Variants in DCAF11 observed in about 807,000 individuals in gnomAD.
DCAF11 encodes DDB1- and CUL4-associated factor 11.
DCAF11 carries 44 observed loss-of-function variants against 76.1 expected under a neutral mutation model. The ratio of observed to expected loss-of-function variants is 0.58; its 90% CI spans 0.45 to 0.74. DCAF11 has a LOEUF of 0.74. DCAF11 is among the 30% of genes least tolerant of loss of function. The probability of loss-of-function intolerance (pLI) is 0.00; values close to 1 mark genes in which losing one functional copy is unlikely to be tolerated. For synonymous variants in DCAF11, 258 were observed against 255.0 expected (o/e 1.01, Z -0.11); for missense variants, 604 against 709.4 (o/e 0.85, Z 1.69).
Position 24,116,842 on chromosome 14 carries a change from A to G in DCAF11, c.156-75A>G, listed in dbSNP as rs74040011. ...ATGAGTACCAAGTGGTCTAAGAGCT[A>G]GATAGCCATTGACTCTGAATTTGGT... On this transcript the variant is annotated intron_variant, in intron 2 of 14. Coordinates refer to ENST00000446197, the MANE Select transcript of DCAF11 (RefSeq NM_025230.5). 906 of 1,601,990 alleles carry G rather than the reference A, an allele frequency of 5.7e-4. 7 individuals are homozygous for G. In the African/African-American group the frequency reaches 0.011, roughly 19 times the overall value.
chr14:24,123,169 C>G lies in DCAF11; in HGVS notation c.1507-6C>G. The G allele has an allele frequency of 6.2e-7, 1 of 1,613,192 alleles. No homozygotes were observed. Among genetic ancestry groups the G allele is most frequent in the Non-Finnish European group, 8.5e-7 (1 of 1,179,350 alleles). ...TCCTGACTGCTTGCCACCCTCTGCCCTGCAGTGGGACGGGAACCTGCGTCT... is the reference window on the plus strand; with the variant it reads ...TCCTGACTGCTTGCCACCCTCTGCCGTGCAGTGGGACGGGAACCTGCGTCT... On this transcript the variant is annotated splice_region_variant and splice_polypyrimidine_tract_variant and intron_variant, in intron 14 of 14. Coordinates refer to ENST00000446197, the MANE Select transcript of DCAF11 (RefSeq NM_025230.5).
Position 24,117,025 on chromosome 14 carries a change from G to A in DCAF11, c.264G>A (p.Gly88=), listed in dbSNP as rs201461302. 78 of 1,614,154 alleles carry A rather than the reference G, an allele frequency of 4.8e-5. No individual in the cohort carries two copies. The African/African-American group carries it at 7.3e-4, about 15-fold the overall frequency. Residue 88 remains glycine (G), a synonymous_variant, in exon 3 of 15, where the codon GGG becomes GGA. Coordinates refer to ENST00000446197, the MANE Select transcript of DCAF11 (RefSeq NM_025230.5). The surrounding 1 kb of genome is among the most constrained non-coding windows in gnomAD (Gnocchi z 4.3). The part of the protein sequence containing the change: ...ENDRAWDGRL[G]DRYNPPVDAT... ...ACAGAGCTTGGGATGGTCGTCTTGG[G>A]GATCGATACAACCCACCTGGTAAGA...
intron 6 of DCAF11, 53 bp downstream of exon 6, chr14:24,118,208 C>T (rs183061328): frequency 1.9e-6 from 3 of 1,575,764 alleles, no homozygotes; most frequent in East Asian, 2.2e-5. Flanking sequence ...GGGACATTCC[C>T]CCTGACTGAG....
At chr14:24,116,391 TC>T in intron 2 of DCAF11, among the ~76,000 whole-genome samples, 2 of 152,260 alleles carry the variant, frequency 1.3e-5, no homozygotes, top group Non-Finnish European at 2.9e-5. Context: ...CTCACTGTGT[TC>T]CCCAGTCTGG....
rs756456075 is a variant in DCAF11 at position 24,119,663 on chromosome 14, T to C, written c.906+47T>C. 6 of 1,614,110 alleles carry C rather than the reference T, an allele frequency of 3.7e-6. No individual in the cohort carries two copies. In the African/African-American group the frequency reaches 6.7e-5, roughly 18 times the overall value. On this transcript the variant is annotated intron_variant, in intron 10 of 14. Coordinates refer to ENST00000446197, the MANE Select transcript of DCAF11 (RefSeq NM_025230.5). The stretch of plus-strand genomic sequence containing the variant: ...CTCTGCCTCCTGGTTTTTGGCTTTT[T>C]ATAAGACCTAGAAAGAGGTCTTATA...
rs771775417 is a variant in DCAF11, at chr14:24,117,493, G to T, written c.411+100G>T. 2.2e-4 allele frequency: 340 copies of T among 1,570,138 alleles called. No homozygotes were observed. Among genetic ancestry groups the T allele is most frequent in the Non-Finnish European group, 2.8e-4 (323 of 1,156,158 alleles). ...AGGAAGTCAACTTTCCAAAGTAGAA[G>T]CCTCAAGCGCTGGGGCTGGAGAGTT... is the stretch of plus-strand genomic sequence containing the variant. On this transcript the variant is annotated intron_variant, in intron 4 of 14. Coordinates refer to ENST00000446197, the MANE Select transcript of DCAF11 (RefSeq NM_025230.5). The surrounding 1 kb of genome is among the most constrained non-coding windows in gnomAD (Gnocchi z 4.3).
intron 2 of DCAF11, among the ~76,000 whole-genome samples, chr14:24,115,987 C>T (rs899068906): frequency 1.3e-5 from 2 of 151,254 alleles, no homozygotes; most frequent in African/African-American, 4.9e-5. Context: ...AGGGGCTATT[C>T]AAGGGAGCCT....
chr14:24,122,918 A>T, intron 13 of DCAF11, 53 bp from the exon 14 acceptor site: 1 of 1,534,348 alleles, frequency 6.5e-7, no homozygotes, highest in East Asian at 2.3e-5. Context: ...GAGGTGAGGG[A>T]TAGTTTAGAT....
intron 7 of DCAF11, 83 bp downstream of exon 7, chr14:24,118,617 C>G: frequency 1.3e-6 from 2 of 1,595,300 alleles, no homozygotes; most frequent in Non-Finnish European, 1.7e-6. Context: ...GCCAGGATCC[C>G]TCACTTTGTC....
At chr14:24,120,649 A>T (rs2037673444) in intron 11 of DCAF11, among the ~76,000 whole-genome samples, 189 bp from the exon 12 acceptor site, 1 of 152,230 alleles carries the variant, frequency 6.6e-6, no homozygotes, top group East Asian at 1.9e-4. Context: ...TAGCCTGGGC[A>T]AGGAAAGGAA....
Position 24,123,190 on chromosome 14 carries a change from C to G in DCAF11, c.1522C>G (p.Arg508Gly). 6.2e-7 allele frequency: 1 copy of G among 1,608,538 alleles called. No individual in the cohort carries two copies. The highest frequency in any genetic ancestry group is 8.5e-7 in the Non-Finnish European group (1 of 1,176,392). The change falls in exon 15 of 15, where the codon CGT (arginine) becomes GGT (glycine). Residue 508 changes from arginine to glycine, a missense_variant. Coordinates refer to ENST00000446197, the MANE Select transcript of DCAF11 (RefSeq NM_025230.5). ...IVSSSWDGNL[R>G]LWQYRQAEYF... ...TGCCCTGCAGTGGGACGGGAACCTG[C>G]GTCTGTGGCAGTACCGCCAGGCTGA...
At chr14:24,119,920 C>CA (rs751891504) in intron 11 of DCAF11, 24 bp downstream of exon 11, 1 of 1,579,720 alleles carries the variant, frequency 6.3e-7, no homozygotes. Flanking sequence ...CAGGACTGTA[C>CA]AGCCAGGCCG....
chr14:24,122,003 T>C (rs1005572722), intron 13 of DCAF11: 7 of 154,710 alleles, frequency 4.5e-5, no homozygotes, highest in Admixed American at 1.9e-4. Flanking sequence ...GGAGAAACCT[T>C]GTCTCTACAA....
chr14:24,119,243 A>G, intron 9 of DCAF11, 30 bp downstream of exon 9: 1 of 1,613,068 alleles, frequency 6.2e-7, no homozygotes, highest in Non-Finnish European at 8.5e-7. Flanking sequence ...GTTTCCCTCA[A>G]TAACAAGATG....
chr14:24,121,745 A>C, intron 13 of DCAF11: 1 of 490,938 alleles, frequency 2.0e-6, no homozygotes, highest in Non-Finnish European at 3.5e-6. Context: ...AGATTGCCAA[A>C]AATATAGTTG....
Position 24,117,605 on chromosome 14 carries a change from C to A in DCAF11, c.412-63C>A. On this transcript the variant is annotated intron_variant, in intron 4 of 14. Coordinates refer to ENST00000446197, the MANE Select transcript of DCAF11 (RefSeq NM_025230.5). This position sits in a 1 kb window ranked among gnomAD's most constrained non-coding sequence, Gnocchi z 4.3. The stretch of plus-strand genomic sequence containing the variant: ...AGAGCAATATCTTTGGAGGAGGGGG[C>A]TTGATATGGCTGAAGTGGCCCTCTA... 1 of 1,577,122 alleles carries A rather than the reference C, an allele frequency of 6.3e-7. No individual in the cohort carries two copies. Among genetic ancestry groups the A allele is most frequent in the Admixed American group, 1.7e-5 (1 of 58,944 alleles).
At position 24,114,951 on chromosome 14, in the gene DCAF11, C is replaced by A. The variant is rs2037507460; in HGVS notation, c.-556C>A. ...TGGGTGGTCTCGCGTGGGGCGGTTA[C>A]CGCCGGCTTCAGTGGGAGGTGCTTC... On this transcript the variant is annotated 5_prime_UTR_variant, in exon 1 of 15. Transcript: ENST00000446197. 1.0e-6 allele frequency: 1 copy of A among 985,924 alleles called. No individual in the cohort carries two copies. Among genetic ancestry groups the A allele is most frequent in the Non-Finnish European group, 1.2e-6 (1 of 830,016 alleles). 61.1% of individuals were successfully genotyped at this position (985,924 alleles called of 1,614,324 possible).
chr14:24,114,994 A>C lies in DCAF11; in HGVS notation c.-513A>C. The C allele has an allele frequency of 1.0e-6, 1 of 985,932 alleles. No homozygotes were observed. The highest frequency in any genetic ancestry group is 1.2e-6 in the Non-Finnish European group (1 of 829,960). 61.1% of individuals were successfully genotyped at this position (985,932 alleles called of 1,614,324 possible). A position where few individuals can be genotyped will look rare whatever the true frequency, so the allele number is the denominator to read the frequency against. On this transcript the variant is annotated 5_prime_UTR_variant, in exon 1 of 15. The change abolishes an upstream ATG in the 5' untranslated region. Coordinates refer to ENST00000446197, the MANE Select transcript of DCAF11 (RefSeq NM_025230.5). ...GGTGCTTCTCGGCTTCCTCCCCCTC[A>C]TGGCGTACACACCCCCGGCGCACCA...
chr14:24,116,972 G>A lies in DCAF11; in HGVS notation c.211G>A (p.Ala71Thr). 5 of 1,614,168 alleles carry A rather than the reference G, an allele frequency of 3.1e-6. No individual in the cohort carries two copies. In the African/African-American group the frequency reaches 5.3e-5, roughly 17 times the overall value. ...TGCAGCAAATTTACAATTCATTCAG[G>A]CCCTCTTGGACTCAGAGGAAGAGAA... ...GGAANLQFIQ[A>T]LLDSEEENDR... The change falls in exon 3 of 15, where the codon GCC becomes ACC. Residue 71 changes from alanine (A) to threonine (T), a missense_variant. Physicochemically the swap from Ala to Thr is moderately conservative, Grantham distance 58. Transcript: ENST00000446197.
Sources: allele counts gnomAD v4.1 joint callset (sites outside exome capture counted in the v4.1 genomes callset), GRCh38; gene constraint gnomAD v4.1.1; non-coding constraint Gnocchi (gnomAD v3.1); transcripts MANE v1.5; gene names NCBI Gene and HGNC (gene_info 2026-07-23, HGNC 2026-07-21).